AMHR2: variants seen among roughly 807,000 people sequenced by gnomAD.
The protein encoded by AMHR2 is anti-Muellerian hormone type-2 receptor.
AMHR2 carries 36 observed loss-of-function variants against 61.4 expected under a neutral mutation model. The ratio of observed to expected loss-of-function variants is 0.59; its 90% CI spans 0.45 to 0.77. The LOEUF is 0.77. Ranked by LOEUF, AMHR2 falls within the 30% of genes least tolerant of loss-of-function variation. AMHR2 has a pLI of 0.00. For synonymous variants in AMHR2, 258 were observed against 279.4 expected (o/e 0.92, Z 0.76); for missense variants, 638 against 714.6 (o/e 0.89, Z 1.22).
At chr12:53,427,639 G>C (rs1939728538) in intron 6 of AMHR2, among the ~76,000 whole-genome samples, 1 of 152,206 alleles carries the variant, frequency 6.6e-6, no homozygotes, top group Non-Finnish European at 1.5e-5. Flanking sequence ...CTGACCTCAA[G>C]TGATCTGCCT....
At chr12:53,425,010 C>G (rs1329859202) in intron 3 of AMHR2, 110 bp downstream of exon 3, 2 of 1,561,982 alleles carry the variant, frequency 1.3e-6, no homozygotes, top group Non-Finnish European at 1.7e-6. Context: ...TTTCCTCCTC[C>G]TGGCCTTGGG....
At chr12:53,426,041 T>C (rs1388804582) in intron 6 of AMHR2, 122 bp downstream of exon 6, 5 of 1,099,842 alleles carry the variant, frequency 4.5e-6, no homozygotes, top group Non-Finnish European at 6.7e-6. Context: ...TTCTAAAACA[T>C]TAAAAATGGC....
At chr12:53,425,306 C>T (rs1939461868) in intron 4 of AMHR2, 64 bp downstream of exon 4, 2 of 1,609,012 alleles carry the variant, frequency 1.2e-6, no homozygotes, top group South Asian at 2.2e-5. Flanking sequence ...TCTGACCCCT[C>T]TCCAGGCACC....
In AMHR2 at chr12:53,429,609, C is replaced by T; in HGVS notation, c.1124C>T (p.Pro375Leu). The change falls in exon 8 of 11, where the codon CCA becomes CTA. Residue 375 changes from proline to leucine, a missense_variant. Physicochemically the swap from Pro to Leu is moderately conservative, Grantham distance 98. Transcript: ENST00000257863. Reference sequence around the variant, plus strand: ...TGGACCCCTACTCAACCACAAGGCCCAGCTGCCATCATGGAAGTGAGTTCT... The same window carrying T: ...TGGACCCCTACTCAACCACAAGGCCTAGCTGCCATCATGGAAGTGAGTTCT... ...PAWTPTQPQG[P>L]AAIMEAGTQR... is the part of the protein sequence containing the mutation. 6.2e-7 allele frequency: 1 copy of T among 1,614,090 alleles called. No individual in the cohort carries two copies. Among genetic ancestry groups the T allele is most frequent in the Non-Finnish European group, 8.5e-7 (1 of 1,179,990 alleles).
chr12:53,431,232 C>G lies in AMHR2; in HGVS notation c.1481C>G (p.Ala494Gly), dbSNP rs1274004728. Residue 494 changes from alanine to glycine, a missense_variant, in exon 11 of 11, where the codon GCA (alanine) becomes GGA (glycine). Physicochemically the swap from Ala to Gly is moderately conservative, Grantham distance 60. Transcript: ENST00000257863. ...GACTGTTGGGATGCAGACCCAGAAG[C>G]ACGGCTGACAGCTGAGTGTGTACAG... ...LEDCWDADPEARLTAECVQQR... is the reference protein window; with the variant it reads ...LEDCWDADPEGRLTAECVQQR... The G allele has an allele frequency of 1.2e-6, 2 of 1,614,124 alleles. No homozygotes were observed. Among genetic ancestry groups the G allele is most frequent in the African/African-American group, 1.3e-5 (1 of 74,936 alleles).
intron 1 of AMHR2, 84 bp from the exon 2 acceptor site, chr12:53,424,204 G>A (rs1433008131): frequency 7.7e-6 from 12 of 1,557,164 alleles, no homozygotes; most frequent in Non-Finnish European, 1.1e-5. Context: ...TGTGGAACAT[G>A]TTTTGTCTAT....
At chr12:53,426,021 ATTT>A (rs1159927517) in intron 6 of AMHR2, 102 bp downstream of exon 6, 1 of 1,206,360 alleles carries the variant, frequency 8.3e-7, no homozygotes, top group Non-Finnish European at 1.2e-6. Context: ...TCTGCTTTCG[ATTT>A]TCTCTTTTCT....
chr12:53,430,127 C>A lies in AMHR2; in HGVS notation c.1289-19C>A, dbSNP rs1263260534. 1 of 1,614,070 alleles carries A rather than the reference C, an allele frequency of 6.2e-7. No homozygotes were observed. The highest frequency in any genetic ancestry group is 8.5e-7 in the Non-Finnish European group (1 of 1,180,024). The stretch of plus-strand genomic sequence containing the variant: ...ACCCCTAGGACTAACTGATACCCAG[C>A]CCCTCTACCTTCCTCCAGACAGCAG... On this transcript the variant is annotated intron_variant, in intron 9 of 10. Coordinates refer to ENST00000257863, the MANE Select transcript of AMHR2 (RefSeq NM_020547.3).
intron 5 of AMHR2, 27 bp downstream of exon 5, chr12:53,425,600 C>T (rs748079944): frequency 2.5e-6 from 4 of 1,612,832 alleles, no homozygotes; most frequent in African/African-American, 1.3e-5. Flanking sequence ...GAGAAGGGCT[C>T]CTCTGGGCAC....
rs895461673 is a variant in AMHR2 at position 53,424,919 on chromosome 12, T to G, written c.424+19T>G. 21 of 1,605,730 alleles carry G rather than the reference T, an allele frequency of 1.3e-5. No individual in the cohort carries two copies. Among genetic ancestry groups the G allele is most frequent in the Non-Finnish European group, 1.8e-5 (21 of 1,178,550 alleles). ...GCCCCAGGTAGCCACCCAAGGGTAC[T>G]GAAGCCTGATGGGGGCTGGGGCCCA... On this transcript the variant is annotated intron_variant, in intron 3 of 10. Transcript: ENST00000257863.
intron 6 of AMHR2, among the ~76,000 whole-genome samples, chr12:53,426,410 A>C (rs1386135384): frequency 6.6e-6 from 1 of 152,022 alleles, no homozygotes; most frequent in Non-Finnish European, 1.5e-5. Flanking sequence ...GATCACTTGA[A>C]CCCAGGAATT....
rs145481702 is a variant in AMHR2, at chr12:53,429,387, G to A, written c.968-66G>A. 1.1e-4 allele frequency: 158 copies of A among 1,489,640 alleles called. 1 individual carries two copies. Among genetic ancestry groups the A allele is most frequent in the Non-Finnish European group, 1.3e-4 (143 of 1,088,070 alleles). 92.3% of individuals were successfully genotyped at this position (1,489,640 alleles called of 1,614,324 possible). On this transcript the variant is annotated intron_variant, in intron 7 of 10. Coordinates refer to ENST00000257863, the MANE Select transcript of AMHR2 (RefSeq NM_020547.3). ...AGCCTGGGCGACAGAGCGAGACGCCGACTCAAAAAAAAAAAAAGAGGGAGG... is the reference window on the plus strand; with the variant it reads ...AGCCTGGGCGACAGAGCGAGACGCCAACTCAAAAAAAAAAAAAGAGGGAGG...
At chr12:53,430,572 T>C in intron 10 of AMHR2, 3 of 511,940 alleles carry the variant, frequency 5.9e-6, no homozygotes, top group Non-Finnish European at 1.1e-5. Flanking sequence ...TGTTCCTCAG[T>C]CCCCTTCTCC....
chr12:53,431,008 G>A lies in AMHR2; in HGVS notation c.1426-169G>A. ...CCCCAGAGAGCCTGTTTCATAGGGAGCAAGACTCAGAGGGCTGGAATTCAG... is the reference window on the plus strand; with the variant it reads ...CCCCAGAGAGCCTGTTTCATAGGGAACAAGACTCAGAGGGCTGGAATTCAG... On this transcript the variant is annotated intron_variant, in intron 10 of 10. Coordinates refer to ENST00000257863, the MANE Select transcript of AMHR2 (RefSeq NM_020547.3). 4.8e-6 allele frequency: 4 copies of A among 837,790 alleles called. No individual in the cohort carries two copies. The South Asian group carries it at 6.2e-5, about 13-fold the overall frequency. 51.9% of individuals were successfully genotyped at this position (837,790 alleles called of 1,614,324 possible). A position where few individuals can be genotyped will look rare whatever the true frequency, so the allele number is the denominator to read the frequency against.
chr12:53,424,597 C>A (rs2136941748), intron 2 of AMHR2, 112 bp from the exon 3 acceptor site: 1 of 1,532,732 alleles, frequency 6.5e-7, no homozygotes, highest in South Asian at 1.2e-5. Context: ...CCCATGAGAG[C>A]TGGAAGGGAC....
chr12:53,424,509 G>A, intron 2 of AMHR2, 39 bp downstream of exon 2: 1 of 1,601,818 alleles, frequency 6.2e-7, no homozygotes, highest in Non-Finnish European at 8.5e-7. Flanking sequence ...GGCTAGGGTG[G>A]GAGACAGACA....
chr12:53,429,164 G>A (rs1939883294), intron 7 of AMHR2, among the ~76,000 whole-genome samples, 154 bp downstream of exon 7: 1 of 152,136 alleles, frequency 6.6e-6, no homozygotes, highest in Non-Finnish European at 1.5e-5. Context: ...AGGCCGAGGT[G>A]GGCGGATCAC....
chr12:53,425,274 C>T lies in AMHR2; in HGVS notation c.502+32C>T, dbSNP rs773666388. Reference sequence around the variant, plus strand: ...ATCCACCCCATCCCTCCCTTGTGACCCCAAGACATTGCCCCAAAAGCTCTG... The same window carrying T: ...ATCCACCCCATCCCTCCCTTGTGACTCCAAGACATTGCCCCAAAAGCTCTG... On this transcript the variant is annotated intron_variant, in intron 4 of 10. Transcript: ENST00000257863. 8 of 1,611,688 alleles carry T rather than the reference C, an allele frequency of 5.0e-6. No individual in the cohort carries two copies. The African/African-American group carries it at 9.3e-5, about 19-fold the overall frequency.
intron 1 of AMHR2, 74 bp from the exon 2 acceptor site, chr12:53,424,214 T>C: frequency 6.3e-7 from 1 of 1,581,208 alleles, no homozygotes; most frequent in Non-Finnish European, 8.7e-7. Context: ...GTTTTGTCTA[T>C]TCTTTTGGCC....
Sources: allele counts gnomAD v4.1 joint callset (sites outside exome capture counted in the v4.1 genomes callset), GRCh38; gene constraint gnomAD v4.1.1; transcripts MANE v1.5; gene names NCBI Gene and HGNC (gene_info 2026-07-23, HGNC 2026-07-21).